Variants in TCERG1L observed in about 807,000 individuals in gnomAD.
TCERG1L encodes transcription elongation regulator 1 like, also known as transcription elongation regulator 1-like protein.
Under a neutral mutation model 56.3 loss-of-function variants are expected in TCERG1L, and 37 were observed. The ratio of observed to expected loss-of-function variants is 0.66; its 90% CI spans 0.51 to 0.87. The LOEUF (loss-of-function observed/expected upper bound fraction) is 0.87, where lower values mean the gene tolerates loss of function less well. Among genes scored for constraint, TCERG1L ranks in the 40% least tolerant of loss-of-function variants. The pLI, the probability that TCERG1L is intolerant of heterozygous loss-of-function variation, is 0.00. For synonymous variants in TCERG1L, 324 were observed against 326.3 expected, an observed-to-expected ratio of 0.99 and a Z score of 0.08; for missense variants, 799 against 774.2, an observed-to-expected ratio of 1.03 and a Z score of -0.38.
intron 9 of TCERG1L, among the ~76,000 whole-genome samples, chr10:131,107,290 C>T (rs375884819): frequency 9.2e-5 from 14 of 152,278 alleles, no homozygotes; most frequent in African/African-American, 2.2e-4. Flanking sequence ...TGTGGCATAA[C>T]GACACCAGTT....
At chr10:131,186,632 T>C (rs1052405369) in intron 4 of TCERG1L, among the ~76,000 whole-genome samples, 2 of 152,110 alleles carry the variant, frequency 1.3e-5, no homozygotes, top group Non-Finnish European at 2.9e-5. Flanking sequence ...CTGCAAAGGA[T>C]GGGGAGAGGA....
At chr10:131,172,000 C>T (rs1050806901) in intron 4 of TCERG1L, among the ~76,000 whole-genome samples, 1 of 152,206 alleles carries the variant, frequency 6.6e-6, no homozygotes. Flanking sequence ...TCTCCCAATG[C>T]AAAAAGTAAT....
chr10:131,252,984 C>G (rs1309570661), intron 4 of TCERG1L, among the ~76,000 whole-genome samples: 1 of 152,216 alleles, frequency 6.6e-6, no homozygotes, highest in African/African-American at 2.4e-5. Context: ...ACAGGGACCC[C>G]CGGGGATGGC....
At chr10:131,136,304 C>T (rs1463704873) in intron 7 of TCERG1L, among the ~76,000 whole-genome samples, 1 of 152,240 alleles carries the variant, frequency 6.6e-6, no homozygotes, top group African/African-American at 2.4e-5. Context: ...GCTTCCCAAG[C>T]TTCACTCGTG....
At position 131,138,829 on chromosome 10, in the gene TCERG1L, T is replaced by C. The variant is rs190008111; in HGVS notation, c.1190-4381A>G. ...TGTACATTTACACATGGTTAAACGG[T>C]CAGCTTCATGTTATATATATTTTAC... is the stretch of plus-strand genomic sequence containing the variant. On this transcript the variant is annotated intron_variant, in intron 7 of 11. Transcript: ENST00000368642. Among the ~76,000 whole-genome samples, 672 of 152,274 alleles carry C rather than the reference T, an allele frequency of 4.4e-3. 3 individuals carry two copies. The highest frequency in any genetic ancestry group is 0.024 in the Middle Eastern group (7 of 294).
intron 8 of TCERG1L, among the ~76,000 whole-genome samples, chr10:131,119,249 G>A (rs1845489660): frequency 6.6e-6 from 1 of 152,132 alleles, no homozygotes; most frequent in South Asian, 2.1e-4. Context: ...TCTAACAAGA[G>A]GTTTTCATTC....
chr10:131,275,882 C>T (rs556498911), intron 3 of TCERG1L, among the ~76,000 whole-genome samples: 2 of 152,154 alleles, frequency 1.3e-5, no homozygotes, highest in Non-Finnish European at 2.9e-5. Context: ...AAGGTCTGGA[C>T]GTGGACGCCT....
At chr10:131,285,406 G>T (rs965361402) in intron 3 of TCERG1L, among the ~76,000 whole-genome samples, 1 of 107,372 alleles carries the variant, frequency 9.3e-6, no homozygotes, top group African/African-American at 3.2e-5. Flanking sequence ...AAGAAAGGAA[G>T]GAAGGAAAGA....
intron 10 of TCERG1L, among the ~76,000 whole-genome samples, chr10:131,101,338 C>G (rs990925873): frequency 1.3e-5 from 2 of 152,216 alleles, no homozygotes; most frequent in Non-Finnish European, 2.9e-5. Context: ...AGAGATGTGC[C>G]GTAGCATGTA....
At chr10:131,147,990 T>G (rs1171491546) in intron 6 of TCERG1L, among the ~76,000 whole-genome samples, 1 of 152,214 alleles carries the variant, frequency 6.6e-6, no homozygotes, top group Non-Finnish European at 1.5e-5. Flanking sequence ...TTGGCAACCC[T>G]GGGCAGACCA....
intron 4 of TCERG1L, among the ~76,000 whole-genome samples, chr10:131,170,982 C>A (rs1477559036): frequency 6.6e-6 from 1 of 152,096 alleles, no homozygotes; most frequent in Non-Finnish European, 1.5e-5. Flanking sequence ...CCTGTCTCTA[C>A]TAAAAATACA....
chr10:131,276,951 A>C (rs189763334), intron 3 of TCERG1L, among the ~76,000 whole-genome samples: 1 of 152,354 alleles, frequency 6.6e-6, no homozygotes, highest in Non-Finnish European at 1.5e-5. Flanking sequence ...AAAAGCTAAG[A>C]CAGAAATGCT....
At chr10:131,182,057 C>T (rs537636929) in intron 4 of TCERG1L, among the ~76,000 whole-genome samples, 17 of 152,168 alleles carry the variant, frequency 1.1e-4, no homozygotes, top group Admixed American at 1.1e-3. Context: ...TGTGTGTACA[C>T]AGCATCTGTG....
At chr10:131,221,042 T>A (rs1845726842) in intron 4 of TCERG1L, among the ~76,000 whole-genome samples, 1 of 152,066 alleles carries the variant, frequency 6.6e-6, no homozygotes, top group South Asian at 2.1e-4. Context: ...TGAGTACCTG[T>A]GGTGTGGTCA....
At chr10:131,135,835 G>A (rs903244949) in intron 7 of TCERG1L, among the ~76,000 whole-genome samples, 10 of 152,226 alleles carry the variant, frequency 6.6e-5, no homozygotes, top group African/African-American at 2.4e-4. Flanking sequence ...GTAGGCCTAG[G>A]AGGAAGGAAT....
At chr10:131,181,885 T>G (rs935596583) in intron 4 of TCERG1L, among the ~76,000 whole-genome samples, 11 of 152,352 alleles carry the variant, frequency 7.2e-5, no homozygotes, top group African/African-American at 2.6e-4. Context: ...GCAAATACAT[T>G]GGGAACAACC....
intron 3 of TCERG1L, among the ~76,000 whole-genome samples, chr10:131,261,100 G>A (rs1236838018): frequency 1.3e-5 from 2 of 152,210 alleles, no homozygotes; most frequent in Non-Finnish European, 1.5e-5. Context: ...CCAGCTCAGC[G>A]TGGGTCGCTC....
At chr10:131,169,178 G>A (rs1018227158) in intron 4 of TCERG1L, among the ~76,000 whole-genome samples, 3 of 152,154 alleles carry the variant, frequency 2.0e-5, no homozygotes, top group Admixed American at 6.5e-5. Context: ...TGATCCTGCA[G>A]GGTCGTCCTG....
intron 8 of TCERG1L, among the ~76,000 whole-genome samples, chr10:131,128,239 A>G (rs1423838151): frequency 6.6e-6 from 1 of 152,196 alleles, no homozygotes; most frequent in Non-Finnish European, 1.5e-5. Flanking sequence ...GTGGGAAGGG[A>G]AGAGGAAATC....
Sources: allele counts gnomAD v4.1 joint callset (sites outside exome capture counted in the v4.1 genomes callset), GRCh38; gene constraint gnomAD v4.1.1; transcripts MANE v1.5; gene names NCBI Gene and HGNC (gene_info 2026-07-23, HGNC 2026-07-21).